PIEZO1: variants seen among roughly 807,000 people sequenced by gnomAD.
PIEZO1 encodes piezo type mechanosensitive ion channel component 1 (Er blood group), also known as piezo-type mechanosensitive ion channel component 1.
A neutral mutation model predicts 297.2 loss-of-function variants in PIEZO1; 296 were observed. That is an observed-to-expected ratio of 1.00 (90% CI 0.91 to 1.10). The LOEUF (loss-of-function observed/expected upper bound fraction) is 1.10. PIEZO1 is among the 50% of genes least tolerant of loss of function. PIEZO1 has a pLI of 0.00. For missense variants in PIEZO1, 5,018 were observed against 3,455.5 expected (o/e 1.45, Z -11.34); for synonymous variants, 2,427 against 1,507.5 (o/e 1.61, Z -14.13).
Position 88,725,603 on chromosome 16 carries a change from C to A in PIEZO1, c.4050G>T (p.Leu1350=). ...GCCCCAGAGGCACCTACTGTCTTTT[C>A]AGCTGGGCCAGGGACTTCTCCTCTA... is the stretch of plus-strand genomic sequence containing the variant. ...RRIEEKSLAQ[L]KRQMERIRAK... is the part of the protein sequence containing the mutation. Residue 1350 remains leucine (L), a synonymous_variant, in exon 28 of 51, where the codon CTG becomes CTT. Coordinates refer to ENST00000301015, the MANE Select transcript of PIEZO1 (RefSeq NM_001142864.4). The A allele has an allele frequency of 6.5e-7, 1 of 1,548,460 alleles. No homozygotes were observed. Among genetic ancestry groups the A allele is most frequent in the East Asian group, 2.4e-5 (1 of 40,890 alleles).
chr16:88,733,664 AC>A lies in PIEZO1; in HGVS notation c.2410del (p.Val804CysfsTer24). ...AAGCTCCAGCAGCCGCCGCAGGAAC[AC>A]CTGCACGCGTGAGAGGACGTCCGAG... Reference protein sequence around the residue: ...GFSDVLSRVQVFLRRLLELHV... With the variant: ...GFSDVLSRVQXFLRRLLELHV... On this transcript the variant is annotated frameshift_variant, in exon 18 of 51. Coordinates refer to ENST00000301015, the MANE Select transcript of PIEZO1 (RefSeq NM_001142864.4). LOFTEE classifies it high-confidence loss of function. 6.5e-7 allele frequency: 1 copy of A among 1,549,802 alleles called. No homozygotes were observed. The highest frequency in any genetic ancestry group is 8.7e-7 in the Non-Finnish European group (1 of 1,146,626).
At chr16:88,784,280 G>C (rs7194375) in intron 1 of PIEZO1, among the ~76,000 whole-genome samples, 10,454 of 152,282 alleles carry the variant, frequency 0.069, 1,122 homozygotes, top group African/African-American at 0.23. Context: ...ACTGAGCCCA[G>C]TAGGGCAAGG....
intron 1 of PIEZO1, among the ~76,000 whole-genome samples, chr16:88,784,375 G>C (rs1310544730): frequency 6.6e-6 from 1 of 152,266 alleles, no homozygotes; most frequent in African/African-American, 2.4e-5. Flanking sequence ...CGGTGAGCGG[G>C]GCTGGGCCCT....
At chr16:88,772,687 G>A (rs940581113) in intron 1 of PIEZO1, among the ~76,000 whole-genome samples, 2 of 151,622 alleles carry the variant, frequency 1.3e-5, no homozygotes, top group African/African-American at 4.8e-5. Flanking sequence ...GCTGAGGCAG[G>A]AGAATCGCTT....
Position 88,717,228 on chromosome 16 carries a change from C to T in PIEZO1, c.6472-17G>A. On this transcript the variant is annotated splice_polypyrimidine_tract_variant and intron_variant, in intron 44 of 50. Coordinates refer to ENST00000301015, the MANE Select transcript of PIEZO1 (RefSeq NM_001142864.4). ...CGGGTATTTCTGGAGGGGAACGACA[C>T]AGGTCATACGCTCAGCTCTGCCCTT... 1 of 1,543,928 alleles carries T rather than the reference C, an allele frequency of 6.5e-7. No individual in the cohort carries two copies. Among genetic ancestry groups the T allele is most frequent in the South Asian group, 1.2e-5 (1 of 84,040 alleles).
chr16:88,779,227 T>TG (rs1907815096), intron 1 of PIEZO1, among the ~76,000 whole-genome samples: 1 of 152,004 alleles, frequency 6.6e-6, no homozygotes, highest in Non-Finnish European at 1.5e-5. Context: ...TTAGCTGAGA[T>TG]GGAGTTTTGC....
intron 2 of PIEZO1, 142 bp from the exon 3 acceptor site, chr16:88,742,564 C>G: frequency 2.4e-6 from 2 of 845,150 alleles, no homozygotes; most frequent in Admixed American, 3.0e-5. Context: ...AGGACCCCAT[C>G]AGGCAGGCCG....
intron 39 of PIEZO1, 124 bp downstream of exon 39, chr16:88,721,042 C>T (rs996922625): frequency 9.5e-7 from 1 of 1,050,812 alleles, no homozygotes; most frequent in Non-Finnish European, 1.3e-6. Flanking sequence ...AGAAGTGGCA[C>T]CTTCCTGGGA....
At chr16:88,739,605 C>G (rs571862323) in intron 5 of PIEZO1, 1 of 152,332 alleles carries the variant, frequency 6.6e-6, no homozygotes, top group African/African-American at 2.4e-5. Flanking sequence ...CACAGCCTCT[C>G]GGAGCCTATT....
chr16:88,734,829 G>T (rs749604949), intron 14 of PIEZO1, 31 bp from the exon 15 acceptor site: 5 of 1,550,032 alleles, frequency 3.2e-6, no homozygotes, highest in South Asian at 1.2e-5. Context: ...GGTGAGGACC[G>T]CGGGGAGGGT....
chr16:88,758,042 C>A (rs188615767), intron 1 of PIEZO1, among the ~76,000 whole-genome samples: 2 of 152,244 alleles, frequency 1.3e-5, no homozygotes, highest in African/African-American at 2.4e-5. Context: ...TAGGGCTAGA[C>A]GAATAGGCCC....
In PIEZO1 at chr16:88,716,662, C is replaced by T. The variant is rs754402684; in HGVS notation, c.6823G>A (p.Gly2275Arg). The T allele has an allele frequency of 2.6e-5, 41 of 1,549,184 alleles. No individual in the cohort carries two copies. Among genetic ancestry groups the T allele is most frequent in the South Asian group, 9.5e-5 (8 of 84,056 alleles). ...IVTAQIEGSS[G>R]ALWRISPPSR... Reference sequence around the variant, plus strand: ...GGGGGACTGATGCGCCACAGCGCCCCGGAGCTGCCCTCAATCTGCGCCGTG... The same window carrying T: ...GGGGGACTGATGCGCCACAGCGCCCTGGAGCTGCCCTCAATCTGCGCCGTG... Residue 2275 changes from glycine to arginine, a missense_variant, in exon 47 of 51, where the codon GGG becomes AGG. Gly to Arg is a moderately radical substitution (Grantham distance 125). Transcript: ENST00000301015.
intron 1 of PIEZO1, among the ~76,000 whole-genome samples, chr16:88,771,139 G>A (rs1907406997): frequency 6.6e-6 from 1 of 152,214 alleles, no homozygotes; most frequent in African/African-American, 2.4e-5. Context: ...TAATCTCACA[G>A]GGAGATAAAA....
intron 1 of PIEZO1, among the ~76,000 whole-genome samples, chr16:88,751,925 G>A (rs1228479697): frequency 6.6e-6 from 1 of 152,186 alleles, no homozygotes; most frequent in Non-Finnish European, 1.5e-5. Flanking sequence ...TGCTCAACAA[G>A]TGCACCAGGG....
At chr16:88,724,117 G>A (rs1365831575) in intron 30 of PIEZO1, 146 bp from the exon 31 acceptor site, 14 of 620,912 alleles carry the variant, frequency 2.3e-5, no homozygotes, top group East Asian at 1.7e-4. Flanking sequence ...ACAGGCCAGC[G>A]CGGTGGGACA....
chr16:88,741,398 A>G (rs1905646173), intron 5 of PIEZO1, 80 bp downstream of exon 5: 1 of 1,282,100 alleles, frequency 7.8e-7, no homozygotes, highest in African/African-American at 1.5e-5. Context: ...TTTTAAAAAG[A>G]TTAAAATAAC....
At chr16:88,759,761 C>T (rs1906841102) in intron 1 of PIEZO1, among the ~76,000 whole-genome samples, 1 of 152,200 alleles carries the variant, frequency 6.6e-6, no homozygotes, top group Non-Finnish European at 1.5e-5. Context: ...CGGGGGGAAG[C>T]CAGCCCGCCC....
intron 1 of PIEZO1, among the ~76,000 whole-genome samples, chr16:88,751,424 G>A (rs28376923): frequency 6.6e-6 from 1 of 152,180 alleles, no homozygotes; most frequent in African/African-American, 2.4e-5. Flanking sequence ...CCACCCTCCC[G>A]GAAGCAGACA....
chr16:88,748,488 T>TCCCC, intron 2 of PIEZO1, among the ~76,000 whole-genome samples: 1 of 136,252 alleles, frequency 7.3e-6, no homozygotes, highest in Non-Finnish European at 1.6e-5. Context: ...GGGTCTCAGC[T>TCCCC]CCCCCCCCCC....
Sources: allele counts gnomAD v4.1 joint callset (sites outside exome capture counted in the v4.1 genomes callset), GRCh38; gene constraint gnomAD v4.1.1; transcripts MANE v1.5; gene names NCBI Gene and HGNC (gene_info 2026-07-23, HGNC 2026-07-21).